Variants in ADGRB3 observed in about 807,000 individuals in gnomAD.
ADGRB3 encodes adhesion G protein-coupled receptor B3.
In ADGRB3, 37 loss-of-function variants were observed where a neutral mutation model predicts 193.4. The ratio of observed to expected loss-of-function variants is 0.19; its 90% CI spans 0.15 to 0.25. The LOEUF (loss-of-function observed/expected upper bound fraction) is 0.25, where lower values mean the gene tolerates loss of function less well. ADGRB3 is among the 10% of genes least tolerant of loss of function. The probability of loss-of-function intolerance (pLI) is 1.00; values close to 1 mark genes in which losing one functional copy is unlikely to be tolerated. For synonymous variants in ADGRB3, 690 were observed against 644.2 expected (o/e 1.07, Z -1.08); for missense variants, 1,637 against 1,852.9 (o/e 0.88, Z 2.14).
At chr6:69,366,339 T>C (rs886928066) in intron 29 of ADGRB3, among the ~76,000 whole-genome samples, 55 of 152,264 alleles carry the variant, frequency 3.6e-4, no homozygotes, top group African/African-American at 1.3e-3. Context: ...AACTTTCTCC[T>C]TGCAAGTAGG....
chr6:68,946,178 A>G (rs1767770834), intron 6 of ADGRB3, among the ~76,000 whole-genome samples: 1 of 152,118 alleles, frequency 6.6e-6, no homozygotes, highest in Non-Finnish European at 1.5e-5. Flanking sequence ...TCTGAAAGTG[A>G]ACTCTAATAA....
intron 13 of ADGRB3, among the ~76,000 whole-genome samples, chr6:69,037,594 C>T (rs1423402501): frequency 6.6e-6 from 1 of 151,996 alleles, no homozygotes; most frequent in Non-Finnish European, 1.5e-5. Flanking sequence ...TCTTATAAAA[C>T]CATCCTCTCA....
intron 31 of ADGRB3, among the ~76,000 whole-genome samples, chr6:69,384,587 G>A (rs951797503): frequency 1.1e-4 from 17 of 152,006 alleles, no homozygotes; most frequent in Non-Finnish European, 2.4e-4. Flanking sequence ...TATGGTCTGG[G>A]TATTAAATCA....
At chr6:69,222,569 A>G (rs1452401471) in intron 17 of ADGRB3, among the ~76,000 whole-genome samples, 1 of 152,284 alleles carries the variant, frequency 6.6e-6, no homozygotes, top group South Asian at 2.1e-4. Context: ...TATTTCATAG[A>G]TCATATAGAT....
At chr6:69,113,361 CATATAT>C (rs568008814) in intron 17 of ADGRB3, among the ~76,000 whole-genome samples, 193 of 151,424 alleles carry the variant, frequency 1.3e-3, no homozygotes, top group African/African-American at 4.6e-3. Flanking sequence ...GTATATGTAT[CATATAT>C]ATGTATATGT....
intron 3 of ADGRB3, among the ~76,000 whole-genome samples, chr6:68,783,321 A>G (rs1483400208): frequency 6.8e-6 from 1 of 147,088 alleles, no homozygotes; most frequent in Non-Finnish European, 1.5e-5. Flanking sequence ...ATACATATAT[A>G]TAATATATAT....
intron 20 of ADGRB3, among the ~76,000 whole-genome samples, chr6:69,248,354 A>G (rs1384818308): frequency 6.6e-6 from 1 of 152,260 alleles, no homozygotes; most frequent in East Asian, 1.9e-4. Context: ...CACAAAAAAA[A>G]TGAAAAGCCC....
intron 29 of ADGRB3, among the ~76,000 whole-genome samples, chr6:69,367,569 A>T (rs957217741): frequency 1.3e-5 from 2 of 151,872 alleles, no homozygotes; most frequent in Admixed American, 6.6e-5. Context: ...CTGGTGTGAG[A>T]TGGTATGTGA....
intron 17 of ADGRB3, among the ~76,000 whole-genome samples, chr6:69,193,255 C>T (rs1765231624): frequency 6.6e-6 from 1 of 152,100 alleles, no homozygotes; most frequent in Non-Finnish European, 1.5e-5. Context: ...CTCCTGCCTA[C>T]TTCTTAGAGA....
At chr6:69,306,156 T>C (rs1348075654) in intron 20 of ADGRB3, among the ~76,000 whole-genome samples, 2 of 151,428 alleles carry the variant, frequency 1.3e-5, no homozygotes, top group African/African-American at 2.4e-5. Context: ...TATGTGGTGT[T>C]GGGGTGAGAT....
intron 3 of ADGRB3, among the ~76,000 whole-genome samples, chr6:68,657,254 A>G (rs1256368641): frequency 6.6e-6 from 1 of 151,436 alleles, no homozygotes; most frequent in African/African-American, 2.4e-5. Flanking sequence ...GCTAAAAACA[A>G]AAATGGTCTG....
At chr6:69,341,380 T>C (rs995237682) in intron 26 of ADGRB3, among the ~76,000 whole-genome samples, 2 of 152,224 alleles carry the variant, frequency 1.3e-5, no homozygotes, top group Non-Finnish European at 2.9e-5. Flanking sequence ...TGATGATCTA[T>C]TTTTCATATA....
At chr6:69,198,124 T>C (rs1765339081) in intron 17 of ADGRB3, among the ~76,000 whole-genome samples, 1 of 152,106 alleles carries the variant, frequency 6.6e-6, no homozygotes, top group South Asian at 2.1e-4. Flanking sequence ...GCTTATTAAT[T>C]CATTACCATC....
intron 3 of ADGRB3, among the ~76,000 whole-genome samples, chr6:68,753,932 A>G (rs142352441): frequency 6.6e-6 from 1 of 152,284 alleles, no homozygotes; most frequent in East Asian, 1.9e-4. Context: ...TAGAAATTAA[A>G]TCATTTGAAA....
At chr6:69,117,812 T>C (rs1773576343) in intron 17 of ADGRB3, among the ~76,000 whole-genome samples, 1 of 152,232 alleles carries the variant, frequency 6.6e-6, no homozygotes, top group African/African-American at 2.4e-5. Flanking sequence ...CACAGTGGTC[T>C]CCAAAGAACA....
At chr6:68,672,961 T>C (rs1357776564) in intron 3 of ADGRB3, among the ~76,000 whole-genome samples, 1 of 152,060 alleles carries the variant, frequency 6.6e-6, no homozygotes, top group Non-Finnish European at 1.5e-5. Context: ...ACCACAGGAA[T>C]GCCCTGCAGA....
At chr6:69,324,552 G>T (rs1044826243) in intron 20 of ADGRB3, among the ~76,000 whole-genome samples, 18 of 152,128 alleles carry the variant, frequency 1.2e-4, no homozygotes, top group Middle Eastern at 3.4e-3. Context: ...AAAGAAAAGA[G>T]AATTTTCATA....
intron 17 of ADGRB3, among the ~76,000 whole-genome samples, chr6:69,221,407 T>G (rs142060941): frequency 1.3e-4 from 20 of 152,298 alleles, no homozygotes; most frequent in African/African-American, 4.6e-4. Context: ...GCTTTTCCAC[T>G]GCTACTCTCT....
chr6:68,876,766 C>A (rs1189165545), intron 3 of ADGRB3, among the ~76,000 whole-genome samples: 1 of 152,098 alleles, frequency 6.6e-6, no homozygotes, highest in Admixed American at 6.5e-5. Context: ...TCCTAGTCAA[C>A]TTGATTAGAA....
Sources: gnomAD v4.1 joint callset for allele counts (sites outside exome capture counted in the v4.1 genomes callset) on GRCh38, gnomAD v4.1.1 for gene constraint, MANE v1.5 for transcripts, NCBI Gene and HGNC (gene_info 2026-07-23, HGNC 2026-07-21) for gene names.